The following KCNJ3 variants were observed in gnomAD, a reference collection of about 807,000 sequenced individuals.
KCNJ3 encodes potassium inwardly rectifying channel subfamily J member 3, also known as G protein-activated inward rectifier potassium channel 1.
Under a neutral mutation model 39.2 loss-of-function variants are expected in KCNJ3, and 4 were observed. That is an observed-to-expected ratio of 0.10 (90% CI 0.05 to 0.23). The LOEUF (loss-of-function observed/expected upper bound fraction) is 0.23, where lower values mean the gene tolerates loss of function less well. KCNJ3 is among the 10% of genes least tolerant of loss of function. The probability of loss-of-function intolerance (pLI) is 1.00; values close to 1 mark genes in which losing one functional copy is unlikely to be tolerated. For synonymous variants in KCNJ3, 230 were observed against 237.4 expected (o/e 0.97, Z 0.29); for missense variants, 276 against 634.9 (o/e 0.43, Z 6.08).
Position 154,857,244 on chromosome 2 carries a change from AG to A in KCNJ3, c.*1934del, listed in dbSNP as rs892366357. 26 of 152,164 alleles carry A rather than the reference AG, an allele frequency of 1.7e-4. No homozygotes were observed. Among genetic ancestry groups the A allele is most frequent in the Admixed American group, 4.6e-4 (7 of 15,266 alleles). 9.4% of individuals were successfully genotyped at this position (152,164 alleles called of 1,614,324 possible). On this transcript the variant is annotated 3_prime_UTR_variant, in exon 3 of 3. Coordinates refer to ENST00000295101, the MANE Select transcript of KCNJ3 (RefSeq NM_002239.4). ...GTGACAGAGAGAGAAGGGGGTCCAC[AG>A]GGCATGGTATATTTATCAGCAGTGG...
At chr2:154,731,254 C>T (rs1424683990) in intron 2 of KCNJ3, among the ~76,000 whole-genome samples, 2 of 152,000 alleles carry the variant, frequency 1.3e-5, no homozygotes, top group Non-Finnish European at 2.9e-5. Context: ...GAAATTCTGC[C>T]TATCAAAAAT....
intron 2 of KCNJ3, among the ~76,000 whole-genome samples, chr2:154,770,798 A>G (rs1686227025): frequency 6.6e-6 from 1 of 152,144 alleles, no homozygotes; most frequent in Non-Finnish European, 1.5e-5. Context: ...AGGTGCAAAA[A>G]GAATTTGATT....
chr2:154,702,408 T>G lies in KCNJ3; in HGVS notation c.702+2931T>G, dbSNP rs548937295. On this transcript the variant is annotated intron_variant, in intron 1 of 2. Transcript: ENST00000295101. ...ATGTAAAACTTCTATTTAATAATTA[T>G]AAAGCACTTTTTGATTCTTGGGGAG... Among the ~76,000 whole-genome samples, 9 of 152,090 alleles carry G rather than the reference T, an allele frequency of 5.9e-5. 1 individual carries two copies. In the South Asian group the frequency reaches 1.9e-3, roughly 31 times the overall value.
At chr2:154,814,656 A>C (rs1687054189) in intron 2 of KCNJ3, among the ~76,000 whole-genome samples, 1 of 152,134 alleles carries the variant, frequency 6.6e-6, no homozygotes, top group Non-Finnish European at 1.5e-5. Context: ...TAAATAAATA[A>C]AACAAAATAA....
intron 2 of KCNJ3, among the ~76,000 whole-genome samples, chr2:154,849,053 A>T (rs1239561442): frequency 1.3e-5 from 2 of 152,110 alleles, no homozygotes; most frequent in Non-Finnish European, 2.9e-5. Context: ...TGATAGAGAG[A>T]TGAGATTAAC....
intron 2 of KCNJ3, among the ~76,000 whole-genome samples, chr2:154,760,984 G>A (rs1428716278): frequency 8.0e-5 from 12 of 150,326 alleles, no homozygotes; most frequent in African/African-American, 1.7e-4. Flanking sequence ...TGATCCACCC[G>A]CCTTGGCCTC....
At chr2:154,784,774 C>T (rs998475913) in intron 2 of KCNJ3, among the ~76,000 whole-genome samples, 4 of 152,082 alleles carry the variant, frequency 2.6e-5, no homozygotes, top group South Asian at 2.1e-4. Flanking sequence ...CTATCTACAT[C>T]GTGTTTGTAA....
intron 2 of KCNJ3, among the ~76,000 whole-genome samples, chr2:154,745,872 G>A (rs1685732344): frequency 6.6e-6 from 1 of 151,928 alleles, no homozygotes; most frequent in Non-Finnish European, 1.5e-5. Flanking sequence ...GTAGATAGAA[G>A]TTCAGATTCC....
intron 2 of KCNJ3, among the ~76,000 whole-genome samples, chr2:154,854,213 T>C (rs1409662422): frequency 6.6e-6 from 1 of 152,210 alleles, no homozygotes; most frequent in Non-Finnish European, 1.5e-5. Flanking sequence ...TTTCTGTATA[T>C]GTTATTTCAT....
At chr2:154,735,571 T>A (rs561562444) in intron 2 of KCNJ3, among the ~76,000 whole-genome samples, 2 of 152,336 alleles carry the variant, frequency 1.3e-5, no homozygotes, top group East Asian at 3.9e-4. Context: ...TTCTCTATTA[T>A]TTTGTTTTCT....
intron 2 of KCNJ3, among the ~76,000 whole-genome samples, chr2:154,765,322 A>C (rs1449536905): frequency 2.0e-5 from 3 of 152,198 alleles, no homozygotes; most frequent in African/African-American, 7.2e-5. Context: ...TTCATTCTCA[A>C]GTCATTCTAT....
At chr2:154,721,343 T>A (rs1685260999) in intron 2 of KCNJ3, among the ~76,000 whole-genome samples, 1 of 152,136 alleles carries the variant, frequency 6.6e-6, no homozygotes, top group Admixed American at 6.5e-5. Flanking sequence ...TTATTGCATA[T>A]TGTTGGAATT....
intron 2 of KCNJ3, among the ~76,000 whole-genome samples, chr2:154,748,951 T>A (rs1045495871): frequency 1.3e-5 from 2 of 152,154 alleles, no homozygotes; most frequent in African/African-American, 4.8e-5. Context: ...ACTTTGCAAG[T>A]TTCAGCTGAC....
At chr2:154,711,370 A>G (rs1049825494) in intron 2 of KCNJ3, among the ~76,000 whole-genome samples, 3 of 152,108 alleles carry the variant, frequency 2.0e-5, no homozygotes, top group Non-Finnish European at 4.4e-5. Flanking sequence ...TCTTTCTTTC[A>G]TACATCTGCT....
chr2:154,794,540 A>C (rs1398873234), intron 2 of KCNJ3, among the ~76,000 whole-genome samples: 1 of 151,964 alleles, frequency 6.6e-6, no homozygotes, highest in Non-Finnish European at 1.5e-5. Flanking sequence ...GACTGAGTGG[A>C]GGAGAGAAAG....
At chr2:154,729,584 T>A (rs1685417593) in intron 2 of KCNJ3, among the ~76,000 whole-genome samples, 1 of 152,162 alleles carries the variant, frequency 6.6e-6, no homozygotes. Flanking sequence ...AAAGTGTTTT[T>A]CAGTAGCTTA....
chr2:154,764,729 C>A (rs1558868062), intron 2 of KCNJ3, among the ~76,000 whole-genome samples: 1 of 152,088 alleles, frequency 6.6e-6, no homozygotes. Context: ...GGGCATAAAT[C>A]TCATAATGTT....
In KCNJ3 at chr2:154,731,897, T is replaced by C. The variant is rs529284369; in HGVS notation, c.919+22078T>C. On this transcript the variant is annotated intron_variant, in intron 2 of 2. Transcript: ENST00000295101. ...TTTGTAGGGTAAAAAATTATCATCATGTTCTACTGATATGTAATGCTAGTA... is the reference window on the plus strand; with the variant it reads ...TTTGTAGGGTAAAAAATTATCATCACGTTCTACTGATATGTAATGCTAGTA... Among the ~76,000 whole-genome samples, 30 of 152,168 alleles carry C rather than the reference T, an allele frequency of 2.0e-4. 1 individual carries two copies. The highest frequency in any genetic ancestry group is 4.1e-4 in the South Asian group (2 of 4,832).
At chr2:154,836,547 C>A (rs1326361380) in intron 2 of KCNJ3, among the ~76,000 whole-genome samples, 2 of 151,880 alleles carry the variant, frequency 1.3e-5, no homozygotes, top group Admixed American at 6.6e-5. Context: ...AATTAAATTC[C>A]TTTATCAGAC....
Sources: allele counts gnomAD v4.1 joint callset (sites outside exome capture counted in the v4.1 genomes callset), GRCh38; gene constraint gnomAD v4.1.1; transcripts MANE v1.5; gene names NCBI Gene and HGNC (gene_info 2026-07-23, HGNC 2026-07-21).